The following DMD variants were observed in gnomAD, a reference collection of about 807,000 sequenced individuals.
DMD encodes the protein mutant dystrophin.
DMD carries 63 observed loss-of-function variants against 330.1 expected under a neutral mutation model. The observed-to-expected ratio is 0.19, with a 90% CI of 0.16 to 0.24. The LOEUF (loss-of-function observed/expected upper bound fraction) is 0.24, where lower values mean the gene tolerates loss of function less well. DMD is among the 10% of genes least tolerant of loss of function. The pLI is 1.00. For synonymous variants in DMD, 1,223 were observed against 959.8 expected, an observed-to-expected ratio of 1.27 and a Z score of -5.07; for missense variants, 3,344 against 2,684.1, an observed-to-expected ratio of 1.25 and a Z score of -5.43.
chrX:32,894,390 G>C (rs2085506121), intron 2 of DMD, among the ~76,000 whole-genome samples: 1 of 112,623 alleles, frequency 8.9e-6, no homozygotes, highest in African/African-American at 3.2e-5. Context: ...CTTACCTGTA[G>C]AAACGATCCA....
At chrX:32,641,407 C>CATAT (rs1569366795) in intron 11 of DMD, 12 of 63,205 alleles carry the variant, frequency 1.9e-4, no homozygotes, top group African/African-American at 7.7e-4. Flanking sequence ...GTATTTTATA[C>CATAT]GTATATATAT....
At chrX:32,866,242 C>A (rs2149110766) in intron 2 of DMD, among the ~76,000 whole-genome samples, 1 of 111,829 alleles carries the variant, frequency 8.9e-6, no homozygotes, top group African/African-American at 3.2e-5. Flanking sequence ...CTTAGCCAAC[C>A]CCCAGCTAAC....
intron 13 of DMD, among the ~76,000 whole-genome samples, chrX:32,584,621 G>A (rs1316785062): frequency 8.9e-6 from 1 of 112,152 alleles, no homozygotes; most frequent in Non-Finnish European, 1.9e-5. Flanking sequence ...ATGCAACATA[G>A]TGAATCTCAC....
intron 44 of DMD, among the ~76,000 whole-genome samples, chrX:32,057,339 C>T (rs762050488): frequency 2.7e-5 from 3 of 110,777 alleles, no homozygotes; most frequent in Admixed American, 1.9e-4. Flanking sequence ...TATCTGTTTG[C>T]AAATTAGATG....
rs1050329700 is a variant in DMD, at chrX:31,120,003, G to A, written c.*1916C>T. The A allele has an allele frequency of 7.2e-5, 8 of 110,374 alleles. No individual in the cohort carries two copies. Among genetic ancestry groups the A allele is most frequent in the South Asian group, 3.9e-4 (1 of 2,585 alleles). 9.1% of individuals were successfully genotyped at this position (110,374 alleles called of 1,213,427 possible). A position where few individuals can be genotyped will look rare whatever the true frequency, so the allele number is the denominator to read the frequency against. On this transcript the variant is annotated 3_prime_UTR_variant, in exon 79 of 79. Coordinates refer to ENST00000357033, the MANE Select transcript of DMD (RefSeq NM_004006.3). Reference sequence around the variant, plus strand: ...TGAGGTAGAAATAGCATGAGAAGCCGTGTTTGATGTTAATTAATTAATTAT... The same window carrying A: ...TGAGGTAGAAATAGCATGAGAAGCCATGTTTGATGTTAATTAATTAATTAT...
chrX:33,178,169 G>A (rs948664699), intron 1 of DMD, among the ~76,000 whole-genome samples: 2 of 111,982 alleles, frequency 1.8e-5, no homozygotes, highest in Non-Finnish European at 3.8e-5. Context: ...GGGAAAGTAA[G>A]CAGAAATATC....
chrX:32,101,769 A>G (rs60656591), intron 44 of DMD, among the ~76,000 whole-genome samples: 13,447 of 110,955 alleles, frequency 0.12, 1,795 homozygotes, highest in African/African-American at 0.39. Context: ...CAATTTTGCT[A>G]TAGTTTAAAT....
intron 9 of DMD, among the ~76,000 whole-genome samples, chrX:32,655,655 C>T (rs1362179481): frequency 1.8e-5 from 2 of 111,795 alleles, no homozygotes; most frequent in East Asian, 5.7e-4. Context: ...TCTATGAGGT[C>T]CGCTTGTTGC....
chrX:32,880,476 G>A (rs1199073798), intron 2 of DMD, among the ~76,000 whole-genome samples: 1 of 111,486 alleles, frequency 9.0e-6, no homozygotes, highest in South Asian at 3.7e-4. Flanking sequence ...CCCTAGCCAA[G>A]CAAAATTCGT....
intron 41 of DMD, among the ~76,000 whole-genome samples, chrX:32,319,341 T>A (rs895773169): frequency 5.4e-5 from 6 of 110,993 alleles, no homozygotes; most frequent in Admixed American, 9.7e-5. Flanking sequence ...AGCCAACTTA[T>A]AAGGCAGCAA....
chrX:33,131,486 C>G (rs1488979318), intron 1 of DMD, among the ~76,000 whole-genome samples: 1 of 111,722 alleles, frequency 9.0e-6, no homozygotes, highest in Admixed American at 9.5e-5. Context: ...GACCTACATT[C>G]ATTAAAGCAG....
chrX:31,472,756 T>G (rs1374377542), intron 59 of DMD, among the ~76,000 whole-genome samples: 1 of 112,218 alleles, frequency 8.9e-6, no homozygotes, highest in African/African-American at 3.2e-5. Flanking sequence ...ACTACACACA[T>G]CATTAAATCA....
intron 60 of DMD, among the ~76,000 whole-genome samples, chrX:31,408,451 A>G (rs977393464): frequency 9.1e-6 from 1 of 110,063 alleles, no homozygotes; most frequent in Non-Finnish European, 1.9e-5. Flanking sequence ...TGTTGCCCAC[A>G]TTAGAGTGCA....
intron 60 of DMD, among the ~76,000 whole-genome samples, chrX:31,425,718 A>ACACACACACAC (rs1569540974): frequency 9.2e-6 from 1 of 108,573 alleles, no homozygotes; most frequent in African/African-American, 3.3e-5. Context: ...ACACGCACAC[A>ACACACACACAC]ATACAGTTAT....
At chrX:32,964,978 A>C (rs1252857200) in intron 2 of DMD, among the ~76,000 whole-genome samples, 2 of 111,640 alleles carry the variant, frequency 1.8e-5, no homozygotes, top group African/African-American at 3.3e-5. Context: ...ATTTGTCAGC[A>C]CCACAGGAGC....
chrX:33,126,439 GGACTGAATCA>G (rs2095465464), intron 1 of DMD, among the ~76,000 whole-genome samples: 1 of 111,198 alleles, frequency 9.0e-6, no homozygotes, highest in Non-Finnish European at 1.9e-5. Flanking sequence ...CACTTCAGAA[GGACTGAATCA>G]GAAACTCTGG....
intron 7 of DMD, among the ~76,000 whole-genome samples, chrX:32,700,908 C>G (rs1012670215): frequency 2.7e-5 from 3 of 111,834 alleles, no homozygotes; most frequent in Admixed American, 9.5e-5. Context: ...GCAGGTTGAA[C>G]AAGTGACTTC....
chrX:31,186,278 A>C (rs142909488), intron 67 of DMD, among the ~76,000 whole-genome samples: 2,999 of 112,272 alleles, frequency 0.027, 39 homozygotes, highest in Non-Finnish European at 0.041. Context: ...AGACTGAATA[A>C]AGAAAACGTG....
At position 33,081,256 on chromosome X, in the gene DMD, ATTTCT is replaced by A. The variant is rs771772834; in HGVS notation, c.32-61061_32-61057del. 8.0e-3 allele frequency among the ~76,000 whole-genome samples: 884 copies of A among 110,875 alleles called. 10 individuals are homozygous for A. Among genetic ancestry groups the A allele is most frequent in the African/African-American group, 0.028 (859 of 30,460 alleles). ...AGACAGTACAGTGCTTCTACCCTAC[ATTTCT>A]TTTCTTATTTTTGTTTCTTTCTTTC... On this transcript the variant is annotated intron_variant, in intron 1 of 78. Coordinates refer to ENST00000357033, the MANE Select transcript of DMD (RefSeq NM_004006.3).
Sources: allele counts gnomAD v4.1 joint callset (sites outside exome capture counted in the v4.1 genomes callset), GRCh38; gene constraint gnomAD v4.1.1; transcripts MANE v1.5; gene names NCBI Gene and HGNC (gene_info 2026-07-23, HGNC 2026-07-21).